Variants in ATP8B4 observed in about 807,000 individuals in gnomAD.
ATP8B4 encodes the protein ATPase phospholipid transporting 8B4 (putative), also known as probable phospholipid-transporting ATPase IM.
A neutral mutation model predicts 145.6 loss-of-function variants in ATP8B4; 133 were observed. The observed-to-expected ratio is 0.91, with a 90% CI of 0.79 to 1.05. The LOEUF is 1.05. ATP8B4 is among the 50% of genes least tolerant of loss of function. The probability of loss-of-function intolerance (pLI) is 0.00; values close to 1 mark genes in which losing one functional copy is unlikely to be tolerated. For synonymous variants in ATP8B4, 507 were observed against 492.9 expected, an observed-to-expected ratio of 1.03 and a Z score of -0.38; for missense variants, 1,458 against 1,425.2, an observed-to-expected ratio of 1.02 and a Z score of -0.37.
chr15:50,180,056 T>C (rs2044822547), intron 1 of ATP8B4, among the ~76,000 whole-genome samples: 1 of 152,142 alleles, frequency 6.6e-6, no homozygotes, highest in Non-Finnish European at 1.5e-5. Flanking sequence ...TTCCACAAAA[T>C]GGCCTAGGTG....
intron 2 of ATP8B4, among the ~76,000 whole-genome samples, chr15:50,085,415 A>C (rs947994245): frequency 6.6e-6 from 1 of 152,050 alleles, no homozygotes; most frequent in Non-Finnish European, 1.5e-5. Flanking sequence ...CAACTACATG[A>C]GTTTGTGTTT....
chr15:50,030,153 C>T (rs1338771191), intron 6 of ATP8B4, among the ~76,000 whole-genome samples: 2 of 152,038 alleles, frequency 1.3e-5, no homozygotes, highest in African/African-American at 4.8e-5. Context: ...AATGTTCTAA[C>T]ATCTCCAAGG....
intron 4 of ATP8B4, among the ~76,000 whole-genome samples, chr15:50,045,237 T>C (rs2051625269): frequency 6.6e-6 from 1 of 152,194 alleles, no homozygotes; most frequent in Non-Finnish European, 1.5e-5. Context: ...TACTACATTA[T>C]GACGGGTGAC....
chr15:50,161,000 T>C (rs2044509936), intron 1 of ATP8B4, among the ~76,000 whole-genome samples: 1 of 152,078 alleles, frequency 6.6e-6, no homozygotes. Flanking sequence ...TGTATTGGGG[T>C]CTATCTCTCT....
intron 1 of ATP8B4, among the ~76,000 whole-genome samples, chr15:50,136,455 G>A (rs1328372328): frequency 3.9e-5 from 6 of 152,180 alleles, no homozygotes; most frequent in Non-Finnish European, 7.3e-5. Flanking sequence ...ACTCATACAG[G>A]GATAAAGCCA....
At chr15:50,044,119 G>A (rs2051538140) in intron 5 of ATP8B4, among the ~76,000 whole-genome samples, 1 of 152,166 alleles carries the variant, frequency 6.6e-6, no homozygotes, top group African/African-American at 2.4e-5. Flanking sequence ...TGACTGTACA[G>A]GGAGTTGGTG....
chr15:50,110,878 T>C (rs1475392349), intron 1 of ATP8B4, among the ~76,000 whole-genome samples: 1 of 151,844 alleles, frequency 6.6e-6, no homozygotes. Context: ...ATATTTGTTT[T>C]AAAGATTGAA....
At chr15:50,087,769 A>G (rs899431499) in intron 2 of ATP8B4, among the ~76,000 whole-genome samples, 3 of 152,222 alleles carry the variant, frequency 2.0e-5, no homozygotes, top group African/African-American at 7.2e-5. Flanking sequence ...TTTCTAAGCT[A>G]CCATAATTCT....
In ATP8B4 at chr15:50,100,877, C is replaced by T. The variant is rs547968642; in HGVS notation, c.28+6062G>A. On this transcript the variant is annotated intron_variant, in intron 2 of 27. Transcript: ENST00000284509. ...AGGAGGATTAACAAGTTCCATTCCT[C>T]ATCAAAAAACTGTCAATTAACTAAT... Among the ~76,000 whole-genome samples the T allele has an allele frequency of 2.0e-5, 3 of 152,132 alleles. No individual in the cohort carries two copies. In the South Asian group the frequency reaches 6.2e-4, roughly 32 times the overall value.
intron 3 of ATP8B4, among the ~76,000 whole-genome samples, chr15:50,058,237 T>A (rs564008270): frequency 4.8e-4 from 73 of 152,272 alleles, no homozygotes; most frequent in African/African-American, 1.7e-3. Context: ...CACGAATTCG[T>A]CTTATCCTGA....
At chr15:50,088,057 T>C (rs963493296) in intron 2 of ATP8B4, among the ~76,000 whole-genome samples, 10 of 152,100 alleles carry the variant, frequency 6.6e-5, no homozygotes, top group African/African-American at 2.4e-4. Context: ...ATACCTGATT[T>C]TGTATTTTGT....
chr15:49,931,400 A>C, intron 15 of ATP8B4, 93 bp from the exon 16 acceptor site: 1 of 1,213,072 alleles, frequency 8.2e-7, no homozygotes, highest in Non-Finnish European at 1.2e-6. Context: ...TTAACACCCA[A>C]CTCAAGCATC....
chr15:50,048,184 G>C (rs1023722710), intron 3 of ATP8B4, among the ~76,000 whole-genome samples: 6 of 151,972 alleles, frequency 3.9e-5, no homozygotes, highest in Admixed American at 3.9e-4. Flanking sequence ...CAGGAGGGGA[G>C]CTCCTGGGAA....
intron 6 of ATP8B4, among the ~76,000 whole-genome samples, chr15:50,032,223 C>T (rs752507198): frequency 3.9e-5 from 6 of 151,958 alleles, no homozygotes; most frequent in Non-Finnish European, 8.8e-5. Context: ...TGTGATGTTC[C>T]CCTCCCTATG....
chr15:49,930,241 G>C (rs1477835603), intron 16 of ATP8B4, among the ~76,000 whole-genome samples: 1 of 152,046 alleles, frequency 6.6e-6, no homozygotes, highest in Non-Finnish European at 1.5e-5. Flanking sequence ...ATACAGCTTA[G>C]GGATGAAGAG....
chr15:50,002,856 T>G (rs967020741), intron 7 of ATP8B4, among the ~76,000 whole-genome samples: 1 of 152,316 alleles, frequency 6.6e-6, no homozygotes, highest in Non-Finnish European at 1.5e-5. Flanking sequence ...CTGAGTAGTT[T>G]GGATTTTTCA....
intron 1 of ATP8B4, among the ~76,000 whole-genome samples, chr15:50,148,875 T>C (rs1376251377): frequency 6.6e-6 from 1 of 152,230 alleles, no homozygotes; most frequent in African/African-American, 2.4e-5. Flanking sequence ...AAAATTCTCT[T>C]GTTTTAAGTG....
chr15:50,090,553 A>T (rs2055542195), intron 2 of ATP8B4, among the ~76,000 whole-genome samples: 1 of 152,136 alleles, frequency 6.6e-6, no homozygotes, highest in Non-Finnish European at 1.5e-5. Context: ...CTGTCTATGA[A>T]CAAGGAAGCA....
intron 14 of ATP8B4, among the ~76,000 whole-genome samples, chr15:49,947,412 C>A (rs1282877241): frequency 7.4e-6 from 1 of 134,598 alleles, no homozygotes; most frequent in African/African-American, 2.8e-5. Flanking sequence ...AGCCTGGCGA[C>A]TGGCGACAGA....
Sources: gnomAD v4.1 joint callset for allele counts (sites outside exome capture counted in the v4.1 genomes callset) on GRCh38, gnomAD v4.1.1 for gene constraint, MANE v1.5 for transcripts, NCBI Gene and HGNC (gene_info 2026-07-23, HGNC 2026-07-21) for gene names.